DMD: variants seen among roughly 807,000 people sequenced by gnomAD.
DMD encodes dystrophin.
In DMD, 63 loss-of-function variants were observed where a neutral mutation model predicts 330.1. That is an observed-to-expected ratio of 0.19 (90% CI 0.16 to 0.24). The LOEUF (loss-of-function observed/expected upper bound fraction) is 0.24, where lower values mean the gene tolerates loss of function less well. Among genes scored for constraint, DMD ranks in the 10% least tolerant of loss-of-function variants. DMD has a pLI of 1.00. For synonymous variants in DMD, 1,223 were observed against 959.8 expected (o/e 1.27, Z -5.07); for missense variants, 3,344 against 2,684.1 (o/e 1.25, Z -5.43).
chrX:32,510,426 G>C (rs1033580932), intron 18 of DMD, among the ~76,000 whole-genome samples: 2 of 111,277 alleles, frequency 1.8e-5, no homozygotes, highest in Non-Finnish European at 3.8e-5. Context: ...ATTTTATTCT[G>C]CTCCTTGGAA....
chrX:33,173,910 C>T (rs769611360), intron 1 of DMD, among the ~76,000 whole-genome samples: 2 of 107,940 alleles, frequency 1.9e-5, no homozygotes, highest in East Asian at 5.8e-4. Context: ...AATAAGAGGG[C>T]AGAGGGAAAG....
rs753639717 is a variant in DMD at position 32,411,903 on chromosome X, C to A, written c.4082G>T (p.Arg1361Met). 4.1e-6 allele frequency: 5 copies of A among 1,210,471 alleles called. No homozygotes were observed. In the East Asian group the frequency reaches 1.5e-4, roughly 36 times the overall value. ...WRELHEEAVR[R>M]QKLLEQSIQS... ...GATGCTCTGTTCAAGCAACTTTTGC[C>A]TCCTTACAGCCTAAAAAGAAGGAAT... is the stretch of plus-strand genomic sequence containing the variant. Residue 1361 changes from arginine to methionine, a missense_variant, in exon 30 of 79, where the codon AGG (arginine) becomes ATG (methionine). By Grantham distance (91) the Arg-to-Met change is moderately conservative. Transcript: ENST00000357033.
At chrX:33,196,454 G>T (rs1204189613) in intron 1 of DMD, among the ~76,000 whole-genome samples, 1 of 111,075 alleles carries the variant, frequency 9.0e-6, no homozygotes, top group East Asian at 2.8e-4. Flanking sequence ...CTCAACGGGG[G>T]CAGCAATTAC....
intron 12 of DMD, among the ~76,000 whole-genome samples, 176 bp from the exon 13 acceptor site, chrX:32,596,052 G>A (rs1375413710): frequency 9.0e-6 from 1 of 111,541 alleles, no homozygotes; most frequent in African/African-American, 3.3e-5. Context: ...AAATTTATAT[G>A]TTCTATTGTT....
chrX:32,596,071 T>C (rs1284916703), intron 12 of DMD, among the ~76,000 whole-genome samples, 195 bp from the exon 13 acceptor site: 3 of 111,705 alleles, frequency 2.7e-5, no homozygotes, highest in African/African-American at 9.8e-5. Flanking sequence ...TTAATTTAAC[T>C]GGAAAGTATC....
intron 11 of DMD, among the ~76,000 whole-genome samples, chrX:32,630,461 T>A (rs1218216604): frequency 1.8e-5 from 2 of 111,004 alleles, no homozygotes; most frequent in Non-Finnish European, 3.8e-5. Context: ...TGTACTTGAA[T>A]TTTAATCTCT....
intron 7 of DMD, among the ~76,000 whole-genome samples, chrX:32,774,186 A>T (rs1037495277): frequency 1.8e-5 from 2 of 112,224 alleles, no homozygotes; most frequent in African/African-American, 6.5e-5. Context: ...GAGTTATTCA[A>T]TTTTACTAAA....
In DMD at chrX:32,886,327, AAATAAT is replaced by A. The variant is rs904234254; in HGVS notation, c.94-36513_94-36508del. Reference sequence around the variant, plus strand: ...TTGGTGGGCAGTGTAAACTGGTAAAAAATAATAATAATAATAATTTTGCTAAGTATT... The same window carrying A: ...TTGGTGGGCAGTGTAAACTGGTAAAAAATAATAATAATTTTGCTAAGTATT... On this transcript the variant is annotated intron_variant, in intron 2 of 78. Coordinates refer to ENST00000357033, the MANE Select transcript of DMD (RefSeq NM_004006.3). 1.1e-4 allele frequency among the ~76,000 whole-genome samples: 12 copies of A among 109,912 alleles called. No homozygotes were observed. The South Asian group carries it at 1.6e-3, about 15-fold the overall frequency.
chrX:31,383,324 G>C (rs1474231653), intron 60 of DMD, among the ~76,000 whole-genome samples: 2 of 112,163 alleles, frequency 1.8e-5, no homozygotes, highest in African/African-American at 6.5e-5. Context: ...AAGCTTTATT[G>C]CTCACACAAA....
intron 44 of DMD, among the ~76,000 whole-genome samples, chrX:32,002,060 A>G (rs1446052246): frequency 8.9e-6 from 1 of 111,857 alleles, no homozygotes; most frequent in African/African-American, 3.2e-5. Context: ...GCTCATCATG[A>G]TGGTCAAAGC....
At chrX:33,124,145 G>A (rs760270784) in intron 1 of DMD, among the ~76,000 whole-genome samples, 2 of 107,937 alleles carry the variant, frequency 1.9e-5, no homozygotes, top group Non-Finnish European at 1.9e-5. Context: ...CAGCCTGGGC[G>A]ACAGAGGGAG....
intron 62 of DMD, among the ~76,000 whole-genome samples, chrX:31,275,862 C>T (rs1335474735): frequency 1.8e-5 from 2 of 111,184 alleles, no homozygotes; most frequent in Non-Finnish European, 3.8e-5. Context: ...TTGATAATGG[C>T]CCTATTAGCT....
intron 19 of DMD, 136 bp downstream of exon 19, chrX:32,501,619 T>C (rs1199285260): frequency 2.0e-6 from 1 of 508,969 alleles, no homozygotes; most frequent in South Asian, 3.1e-5. Flanking sequence ...AAAAGAATAA[T>C]AAAAAACATA....
intron 51 of DMD, among the ~76,000 whole-genome samples, chrX:31,740,366 G>A (rs1293326808): frequency 1.8e-5 from 2 of 111,706 alleles, no homozygotes; most frequent in Admixed American, 9.5e-5. Context: ...CAGATTCGCA[G>A]GCTTTTGATA....
At chrX:31,742,644 T>C (rs113480579) in intron 51 of DMD, among the ~76,000 whole-genome samples, 3 of 111,896 alleles carry the variant, frequency 2.7e-5, no homozygotes, top group East Asian at 5.6e-4. Context: ...GTTAGCCATA[T>C]GCAGAAGAAT....
At chrX:32,305,735 A>T (rs1479266611) in intron 42 of DMD, among the ~76,000 whole-genome samples, 1 of 111,064 alleles carries the variant, frequency 9.0e-6, no homozygotes, top group Non-Finnish European at 1.9e-5. Context: ...TCTTCTTTAC[A>T]ATGGCCCCAA....
intron 62 of DMD, among the ~76,000 whole-genome samples, chrX:31,301,165 A>T (rs1467067693): frequency 9.0e-6 from 1 of 111,507 alleles, no homozygotes; most frequent in Non-Finnish European, 1.9e-5. Flanking sequence ...CAGGAACTGT[A>T]CCTTGCCTTC....
chrX:32,628,258 ATTTTTT>A (rs1170760390), intron 11 of DMD, among the ~76,000 whole-genome samples: 1 of 15,359 alleles, frequency 6.5e-5, no homozygotes, highest in South Asian at 4.0e-3. Context: ...AGTTGTTTTA[ATTTTTT>A]TTTTTTTTTT....
chrX:33,194,141 CATT>C (rs749141211), intron 1 of DMD, among the ~76,000 whole-genome samples: 4 of 110,738 alleles, frequency 3.6e-5, no homozygotes, highest in African/African-American at 1.3e-4. Flanking sequence ...TCTTTATTAT[CATT>C]ATCATTCACT....
Sources: allele counts gnomAD v4.1 joint callset (sites outside exome capture counted in the v4.1 genomes callset), GRCh38; gene constraint gnomAD v4.1.1; transcripts MANE v1.5; gene names NCBI Gene and HGNC (gene_info 2026-07-23, HGNC 2026-07-21).